Variants in GFOD1 observed in about 807,000 individuals in gnomAD.
GFOD1 encodes Gfo/Idh/MocA-like oxidoreductase domain containing 1, also known as glucose-fructose oxidoreductase domain-containing protein 1.
Under a neutral mutation model 25.4 loss-of-function variants are expected in GFOD1, and 9 were observed. That is an observed-to-expected ratio of 0.35 (90% CI 0.21 to 0.62). The LOEUF (loss-of-function observed/expected upper bound fraction) is 0.62. Among genes scored for constraint, GFOD1 ranks in the 20% least tolerant of loss-of-function variants. The pLI is 0.72. For missense variants in GFOD1, 403 were observed against 556.9 expected, an observed-to-expected ratio of 0.72 and a Z score of 2.78; for synonymous variants, 253 against 245.6, an observed-to-expected ratio of 1.03 and a Z score of -0.28.
In GFOD1 at chr6:13,404,666, A is replaced by G. The variant is rs1040199142; in HGVS notation, c.254-39004T>C. On this transcript the variant is annotated intron_variant, in intron 1 of 1. Transcript: ENST00000379287. ...TGTTAGCCACGTTCTTAGCAAAAGA[A>G]CATGTGAACTACACAGTGGAGGCTG... 2.6e-5 allele frequency among the ~76,000 whole-genome samples: 4 copies of G among 152,354 alleles called. No homozygotes were observed. In the East Asian group the frequency reaches 7.7e-4, roughly 29 times the overall value.
chr6:13,409,290 A>G (rs1786024988), intron 1 of GFOD1, among the ~76,000 whole-genome samples: 1 of 34,768 alleles, frequency 2.9e-5, no homozygotes, highest in African/African-American at 4.0e-5. Context: ...GACAGAGAGG[A>G]AGGAAGGAAG....
Position 13,361,187 on chromosome 6 carries a change from G to A in GFOD1, c.*3556C>T. ...TTTGCTGCCATGTAGGCTAAGGGGG[G>A]TCTGGGGTGCCCTACAATGCAATTG... On this transcript the variant is annotated 3_prime_UTR_variant, in exon 2 of 2. Coordinates refer to ENST00000379287, the MANE Select transcript of GFOD1 (RefSeq NM_018988.4). 1 of 280,074 alleles carries A rather than the reference G, an allele frequency of 3.6e-6. No individual in the cohort carries two copies. The highest frequency in any genetic ancestry group is 7.1e-6 in the Non-Finnish European group (1 of 141,400). The allele number at this position is 280,074 out of a possible 1,614,324, so 17.3% of individuals were successfully genotyped here.
intron 1 of GFOD1, among the ~76,000 whole-genome samples, chr6:13,415,154 G>A (rs1050650794): frequency 1.3e-5 from 2 of 152,152 alleles, no homozygotes; most frequent in African/African-American, 4.8e-5. Flanking sequence ...TGCCCTGTCT[G>A]GGGAGGACAC....
chr6:13,458,756 G>GAAAAAA (rs1758236779), intron 1 of GFOD1, among the ~76,000 whole-genome samples: 2 of 5,574 alleles, frequency 3.6e-4, no homozygotes, highest in Non-Finnish European at 2.3e-3. Flanking sequence ...TTCCCCTTGA[G>GAAAAAA]CAAAAAAAAA....
At chr6:13,383,383 T>C (rs1353402016) in intron 1 of GFOD1, among the ~76,000 whole-genome samples, 2 of 152,258 alleles carry the variant, frequency 1.3e-5, no homozygotes, top group Non-Finnish European at 2.9e-5. Context: ...TGACATCTAT[T>C]GGATACTGCA....
At chr6:13,478,215 C>T (rs1338791746) in intron 1 of GFOD1, among the ~76,000 whole-genome samples, 3 of 152,128 alleles carry the variant, frequency 2.0e-5, no homozygotes. Context: ...TCTTGGCTTA[C>T]TGCAACCTCC....
At position 13,486,386 on chromosome 6, in the gene GFOD1, A is replaced by G. The variant is rs1047391285; in HGVS notation, c.253+252T>C. 5.2e-6 allele frequency: 3 copies of G among 580,262 alleles called. No individual in the cohort carries two copies. The African/African-American group carries it at 5.7e-5, about 11-fold the overall frequency. 35.9% of individuals were successfully genotyped at this position (580,262 alleles called of 1,614,324 possible). A position where few individuals can be genotyped will look rare whatever the true frequency, so the allele number is the denominator to read the frequency against. The stretch of plus-strand genomic sequence containing the variant: ...GATCCCCGGAACACACGCCTTCTCC[A>G]GCCTGCAATCTACACACGTGGGGAA... On this transcript the variant is annotated intron_variant, in intron 1 of 1. Coordinates refer to ENST00000379287, the MANE Select transcript of GFOD1 (RefSeq NM_018988.4).
chr6:13,375,653 T>C (rs942522928), intron 1 of GFOD1, among the ~76,000 whole-genome samples: 3 of 152,160 alleles, frequency 2.0e-5, no homozygotes, highest in African/African-American at 7.2e-5. Context: ...ACTGAATTAA[T>C]TGCTCAAGTG....
chr6:13,394,012 T>G (rs1288403032), intron 1 of GFOD1, among the ~76,000 whole-genome samples: 1 of 152,006 alleles, frequency 6.6e-6, no homozygotes, highest in Admixed American at 6.6e-5. Flanking sequence ...CTCCTGACCT[T>G]GTGATCCACC....
chr6:13,441,740 A>G (rs528554498), intron 1 of GFOD1, among the ~76,000 whole-genome samples: 1 of 152,266 alleles, frequency 6.6e-6, no homozygotes, highest in South Asian at 2.1e-4. Flanking sequence ...CAAAAATATC[A>G]CCAAACTTCT....
In GFOD1 at chr6:13,359,842, G is replaced by A. The variant is rs187402648; in HGVS notation, c.*4901C>T. On this transcript the variant is annotated 3_prime_UTR_variant, in exon 2 of 2. Transcript: ENST00000379287. The stretch of plus-strand genomic sequence containing the variant: ...TGCGTCTGTAATCCCAGCTACTCAG[G>A]AGGCTGAGGCAGGAGAATCGCTTGA... The A allele has an allele frequency of 7.2e-3, 1,089 of 152,082 alleles. 7 individuals carry two copies. The highest frequency in any genetic ancestry group is 0.012 in the Non-Finnish European group (822 of 68,142). 9.4% of individuals were successfully genotyped at this position (152,082 alleles called of 1,614,324 possible).
intron 1 of GFOD1, among the ~76,000 whole-genome samples, chr6:13,435,388 C>G (rs1181266109): frequency 1.3e-5 from 2 of 152,188 alleles, no homozygotes; most frequent in Non-Finnish European, 2.9e-5. Context: ...ACTTCCTTTA[C>G]TCACGAACTA....
intron 1 of GFOD1, chr6:13,486,266 C>A: frequency 4.0e-6 from 1 of 249,202 alleles, no homozygotes; most frequent in Non-Finnish European, 6.1e-6. Context: ...CCCACACACA[C>A]ACACTTGGAC....
intron 1 of GFOD1, among the ~76,000 whole-genome samples, chr6:13,387,344 T>C (rs188758158): frequency 7.2e-5 from 11 of 152,270 alleles, no homozygotes; most frequent in Non-Finnish European, 1.5e-4. Context: ...ATATCCCTGA[T>C]GAACATCGAT....
intron 1 of GFOD1, among the ~76,000 whole-genome samples, chr6:13,474,399 T>A (rs951218828): frequency 2.6e-5 from 4 of 152,020 alleles, no homozygotes; most frequent in African/African-American, 4.8e-5. Flanking sequence ...TAAAATAAAA[T>A]AAAAATAAAA....
intron 1 of GFOD1, among the ~76,000 whole-genome samples, chr6:13,401,506 AT>A (rs1785844156): frequency 6.6e-6 from 1 of 152,212 alleles, no homozygotes; most frequent in Admixed American, 6.5e-5. Flanking sequence ...TTTATGGATA[AT>A]GGGGCACTAT....
chr6:13,462,079 G>A (rs1758300686), intron 1 of GFOD1, among the ~76,000 whole-genome samples: 1 of 152,224 alleles, frequency 6.6e-6, no homozygotes, highest in Non-Finnish European at 1.5e-5. Flanking sequence ...GTTTCTCCAT[G>A]TGCAAGTGAA....
rs821293 is a variant in GFOD1 at position 13,390,721 on chromosome 6, G to A, written c.254-25059C>T. Among the ~76,000 whole-genome samples, 82 of 111,508 alleles carry A rather than the reference G, an allele frequency of 7.4e-4. 2 individuals carry two copies. The highest frequency in any genetic ancestry group is 2.3e-3 in the Admixed American group (22 of 9,632). 73.2% of individuals were successfully genotyped at this position (111,508 alleles called of 152,430 possible). On this transcript the variant is annotated intron_variant, in intron 1 of 1. Coordinates refer to ENST00000379287, the MANE Select transcript of GFOD1 (RefSeq NM_018988.4). ...CAGCCTGGTGACAGTGAGACCCTGT[G>A]AAAAAAAAAAAAAGAAAGAAAGACA...
chr6:13,401,503 A>C (rs1785843997), intron 1 of GFOD1, among the ~76,000 whole-genome samples: 1 of 152,212 alleles, frequency 6.6e-6, no homozygotes, highest in Admixed American at 6.5e-5. Flanking sequence ...GTATTTATGG[A>C]TAATGGGGCA....
Sources: gnomAD v4.1 joint callset for allele counts (sites outside exome capture counted in the v4.1 genomes callset) on GRCh38, gnomAD v4.1.1 for gene constraint, MANE v1.5 for transcripts, NCBI Gene and HGNC (gene_info 2026-07-23, HGNC 2026-07-21) for gene names.